GRK3: variants seen among roughly 807,000 people sequenced by gnomAD.
The protein encoded by GRK3 is adrenergic, beta, receptor kinase 2.
Under a neutral mutation model 95.7 loss-of-function variants are expected in GRK3, and 54 were observed. The ratio of observed to expected loss-of-function variants is 0.56; its 90% CI spans 0.45 to 0.71. The LOEUF (loss-of-function observed/expected upper bound fraction) is 0.71, where lower values mean the gene tolerates loss of function less well. Ranked by LOEUF, GRK3 falls within the 30% of genes least tolerant of loss-of-function variation. The probability of loss-of-function intolerance (pLI) is 0.00; values close to 1 mark genes in which losing one functional copy is unlikely to be tolerated. For missense variants in GRK3, 649 were observed against 851.2 expected (o/e 0.76, Z 2.96); for synonymous variants, 281 against 290.8 (o/e 0.97, Z 0.34).
chr22:25,690,495 T>C (rs1439504245), intron 12 of GRK3, among the ~76,000 whole-genome samples: 2 of 152,212 alleles, frequency 1.3e-5, no homozygotes, highest in Non-Finnish European at 2.9e-5. Context: ...TTGAACCTGC[T>C]CAGGGACCAG....
At chr22:25,703,099 T>C (rs2085271115) in intron 13 of GRK3, 1 of 302,904 alleles carries the variant, frequency 3.3e-6, no homozygotes, top group Non-Finnish European at 6.5e-6. Context: ...TTCCTTGGGC[T>C]GTTTGAGGGA....
intron 1 of GRK3, among the ~76,000 whole-genome samples, chr22:25,576,908 TAA>T (rs1931921963): frequency 6.6e-6 from 1 of 152,196 alleles, no homozygotes; most frequent in East Asian, 1.9e-4. Flanking sequence ...CATGTTAACT[TAA>T]TAATAAATAC....
At chr22:25,588,276 C>T (rs1932384960) in intron 1 of GRK3, among the ~76,000 whole-genome samples, 1 of 152,084 alleles carries the variant, frequency 6.6e-6, no homozygotes, top group Non-Finnish European at 1.5e-5. Context: ...ACCTTAATAT[C>T]TAGTTATATT....
chr22:25,650,940 TTAAA>T (rs1306358856), intron 3 of GRK3, among the ~76,000 whole-genome samples: 1 of 152,188 alleles, frequency 6.6e-6, no homozygotes, highest in Non-Finnish European at 1.5e-5. Context: ...TTAGAATATA[TTAAA>T]TAGTTGATTT....
intron 1 of GRK3, among the ~76,000 whole-genome samples, chr22:25,588,551 A>G (rs1281629251): frequency 1.3e-5 from 2 of 152,186 alleles, no homozygotes; most frequent in Non-Finnish European, 2.9e-5. Context: ...TTTTAAATCT[A>G]GTGGTCAAGT....
intron 2 of GRK3, among the ~76,000 whole-genome samples, chr22:25,621,214 G>T (rs1246668914): frequency 6.6e-6 from 1 of 152,246 alleles, no homozygotes; most frequent in Non-Finnish European, 1.5e-5. Context: ...GTGTGGTGTG[G>T]TAGGTAATTT....
intron 2 of GRK3, among the ~76,000 whole-genome samples, chr22:25,635,418 T>TA (rs2084693110): frequency 6.6e-6 from 1 of 152,188 alleles, no homozygotes; most frequent in Non-Finnish European, 1.5e-5. Context: ...AATACTATAA[T>TA]ACTACTGTCT....
chr22:25,645,570 C>G (rs1462935397), intron 3 of GRK3, among the ~76,000 whole-genome samples: 1 of 152,204 alleles, frequency 6.6e-6, no homozygotes, highest in East Asian at 1.9e-4. Flanking sequence ...AGAACTGACT[C>G]CAGTGCTAAG....
chr22:25,648,941 T>C, intron 3 of GRK3: 1 of 895,852 alleles, frequency 1.1e-6, no homozygotes, highest in South Asian at 1.3e-5. Context: ...TTGCACTGTA[T>C]GGTGGGTTTA....
At chr22:25,603,794 T>C (rs966335765) in intron 1 of GRK3, among the ~76,000 whole-genome samples, 2 of 152,232 alleles carry the variant, frequency 1.3e-5, no homozygotes, top group African/African-American at 4.8e-5. Context: ...CAATACAATT[T>C]GTAATTTTTC....
chr22:25,628,458 C>T (rs2084642712), intron 2 of GRK3, among the ~76,000 whole-genome samples: 1 of 152,124 alleles, frequency 6.6e-6, no homozygotes. Context: ...CCCAAATATT[C>T]ATTGGAGAGC....
intron 1 of GRK3, among the ~76,000 whole-genome samples, chr22:25,590,711 C>T (rs566507958): frequency 1.3e-5 from 2 of 152,190 alleles, no homozygotes; most frequent in Admixed American, 1.3e-4. Context: ...GTCCCAGCTA[C>T]TCGAGAGGCT....
intron 1 of GRK3, among the ~76,000 whole-genome samples, chr22:25,593,838 C>T (rs1932580483): frequency 6.6e-6 from 1 of 152,082 alleles, no homozygotes; most frequent in Non-Finnish European, 1.5e-5. Flanking sequence ...GCCAGCTATC[C>T]CAGCACCATT....
intron 2 of GRK3, among the ~76,000 whole-genome samples, chr22:25,639,793 A>G (rs1269197760): frequency 2.6e-5 from 4 of 152,194 alleles, no homozygotes; most frequent in Non-Finnish European, 5.9e-5. Flanking sequence ...CTTCCAGTCC[A>G]TGAACTGAGT....
At chr22:25,683,137 T>A (rs1419970611) in intron 9 of GRK3, among the ~76,000 whole-genome samples, 1 of 152,266 alleles carries the variant, frequency 6.6e-6, no homozygotes, top group Non-Finnish European at 1.5e-5. Flanking sequence ...AAGCAAAGAA[T>A]AATAGATGAC....
intron 1 of GRK3, among the ~76,000 whole-genome samples, chr22:25,572,927 T>C (rs77604592): frequency 0.017 from 2,577 of 152,344 alleles, 75 homozygotes; most frequent in African/African-American, 0.058. Context: ...AATCTAGTTA[T>C]GCTTTTTGAT....
chr22:25,699,844 G>T (rs901395763), intron 13 of GRK3, among the ~76,000 whole-genome samples: 1 of 151,744 alleles, frequency 6.6e-6, no homozygotes, highest in Non-Finnish European at 1.5e-5. Context: ...GACTACAGGC[G>T]CCCGCCACCA....
intron 3 of GRK3, among the ~76,000 whole-genome samples, chr22:25,645,275 CGA>C (rs778865529): frequency 4.6e-5 from 7 of 152,014 alleles, no homozygotes; most frequent in Non-Finnish European, 7.4e-5. Context: ...ACAGAATGGG[CGA>C]GAGATGGAAA....
chr22:25,626,120 G>T (rs2084626280), intron 2 of GRK3, among the ~76,000 whole-genome samples: 1 of 152,140 alleles, frequency 6.6e-6, no homozygotes, highest in African/African-American at 2.4e-5. Context: ...GACCCTGTGG[G>T]GCTGGTCCCT....
Sources: gnomAD v4.1 joint callset for allele counts (sites outside exome capture counted in the v4.1 genomes callset) on GRCh38, gnomAD v4.1.1 for gene constraint, MANE v1.5 for transcripts, NCBI Gene and HGNC (gene_info 2026-07-23, HGNC 2026-07-21) for gene names.